The following KCNH7 variants were observed in gnomAD, a reference collection of about 807,000 sequenced individuals.
KCNH7 encodes the protein potassium voltage-gated channel subfamily H member 7.
A neutral mutation model predicts 120.8 loss-of-function variants in KCNH7; 49 were observed. The ratio of observed to expected loss-of-function variants is 0.41; its 90% confidence interval spans 0.32 to 0.51. The LOEUF is 0.51. Ranked by LOEUF, KCNH7 falls within the 20% of genes least tolerant of loss-of-function variation. KCNH7 has a pLI of 0.38. For synonymous variants in KCNH7, 547 were observed against 516.1 expected (o/e 1.06, Z -0.81); for missense variants, 1,097 against 1,446.6 (o/e 0.76, Z 3.92).
chr2:162,508,013 G>A (rs2105762056), intron 5 of KCNH7, among the ~76,000 whole-genome samples: 2 of 151,538 alleles, frequency 1.3e-5, no homozygotes, highest in South Asian at 4.2e-4. Flanking sequence ...AGTTATATTT[G>A]AACACTAACA....
intron 2 of KCNH7, among the ~76,000 whole-genome samples, chr2:162,738,709 G>A (rs1451079788): frequency 2.0e-5 from 3 of 152,162 alleles, no homozygotes; most frequent in Non-Finnish European, 2.9e-5. Flanking sequence ...TATCCTTACT[G>A]AGATTAATCC....
chr2:162,789,417 C>T (rs1033501577), intron 2 of KCNH7, among the ~76,000 whole-genome samples: 1 of 151,896 alleles, frequency 6.6e-6, no homozygotes. Context: ...TAGTAGAAGA[C>T]TTTAATAACC....
intron 6 of KCNH7, among the ~76,000 whole-genome samples, chr2:162,481,148 C>T (rs906372319): frequency 3.9e-5 from 6 of 152,136 alleles, no homozygotes; most frequent in Non-Finnish European, 8.8e-5. Flanking sequence ...TCGATTTTCT[C>T]TTATTCTTTC....
intron 2 of KCNH7, among the ~76,000 whole-genome samples, chr2:162,571,447 TATC>T: frequency 6.8e-6 from 1 of 146,412 alleles, no homozygotes; most frequent in Non-Finnish European, 1.5e-5. Flanking sequence ...GAAGAATCAA[TATC>T]ATGAAAATGG....
chr2:162,428,809 T>C (rs1405243556), intron 8 of KCNH7, among the ~76,000 whole-genome samples: 1 of 151,926 alleles, frequency 6.6e-6, no homozygotes, highest in Non-Finnish European at 1.5e-5. Flanking sequence ...CGCTACATTG[T>C]CTGAAGTTAA....
At position 162,652,963 on chromosome 2, in the gene KCNH7, A is replaced by G. The variant is rs372674985; in HGVS notation, c.308-115883T>C. ...TTGAATTAACGTAGCTGCAGATACCATTGAGCGGTAAGGCCTTACTTTATG... is the reference window on the plus strand; with the variant it reads ...TTGAATTAACGTAGCTGCAGATACCGTTGAGCGGTAAGGCCTTACTTTATG... On this transcript the variant is annotated intron_variant, in intron 2 of 15. Transcript: ENST00000332142. 5.9e-5 allele frequency among the ~76,000 whole-genome samples: 9 copies of G among 152,320 alleles called. No homozygotes were observed. In the East Asian group the frequency reaches 1.4e-3, roughly 23 times the overall value.
chr2:162,470,736 T>C (rs899646980), intron 6 of KCNH7, among the ~76,000 whole-genome samples: 4 of 152,190 alleles, frequency 2.6e-5, no homozygotes, highest in Non-Finnish European at 5.9e-5. Flanking sequence ...CCACCCCGTC[T>C]GGGAGGTGTA....
At chr2:162,763,736 T>C (rs1223396847) in intron 2 of KCNH7, among the ~76,000 whole-genome samples, 2 of 99,930 alleles carry the variant, frequency 2.0e-5, no homozygotes, top group Non-Finnish European at 4.0e-5. Flanking sequence ...GCAGTGTGTG[T>C]GTGTGTGTGT....
At chr2:162,686,092 G>C (rs1685881014) in intron 2 of KCNH7, among the ~76,000 whole-genome samples, 1 of 152,058 alleles carries the variant, frequency 6.6e-6, no homozygotes, top group African/African-American at 2.4e-5. Context: ...ATTAAGAAAA[G>C]TTTAGTGTAT....
chr2:162,728,062 T>G (rs1687591473), intron 2 of KCNH7, among the ~76,000 whole-genome samples: 1 of 152,180 alleles, frequency 6.6e-6, no homozygotes, highest in Non-Finnish European at 1.5e-5. Context: ...TCATATGATA[T>G]GTGAATAATT....
intron 2 of KCNH7, among the ~76,000 whole-genome samples, chr2:162,656,800 A>T (rs1684779829): frequency 1.3e-5 from 2 of 152,194 alleles, no homozygotes; most frequent in African/African-American, 4.8e-5. Flanking sequence ...CAAAGGAAAA[A>T]TGCAGAGATT....
chr2:162,528,318 T>A (rs536947408), intron 3 of KCNH7: 144 of 152,026 alleles, frequency 9.5e-4, no homozygotes, highest in African/African-American at 3.3e-3. Flanking sequence ...TCTCTATATT[T>A]TTACTCCTGG....
chr2:162,529,860 GTTCAAT>G (rs1691855030), intron 3 of KCNH7, among the ~76,000 whole-genome samples: 1 of 151,818 alleles, frequency 6.6e-6, no homozygotes, highest in Non-Finnish European at 1.5e-5. Flanking sequence ...GTGAGAAAGT[GTTCAAT>G]TTCATCTTTT....
chr2:162,655,513 G>A (rs1236366701), intron 2 of KCNH7, among the ~76,000 whole-genome samples: 7 of 152,224 alleles, frequency 4.6e-5, no homozygotes, highest in East Asian at 3.9e-4. Context: ...CTGGCCGGGC[G>A]TGGTGGCTCA....
intron 2 of KCNH7, among the ~76,000 whole-genome samples, chr2:162,679,849 A>G (rs1402501020): frequency 1.3e-5 from 2 of 151,754 alleles, no homozygotes; most frequent in African/African-American, 4.8e-5. Context: ...CTGAATTTGA[A>G]TTAATGTGCT....
rs565143732 is a variant in KCNH7, at chr2:162,653,752, G to A, written c.308-116672C>T. Among the ~76,000 whole-genome samples, 5 of 152,118 alleles carry A rather than the reference G, an allele frequency of 3.3e-5. No homozygotes were observed. The South Asian group carries it at 6.2e-4, about 19-fold the overall frequency. On this transcript the variant is annotated intron_variant, in intron 2 of 15. Transcript: ENST00000332142. ...CACACTACTTGACTTCCAAATATAC[G>A]GCAAAGCTATAGTGACAGAAATAGC...
chr2:162,474,967 T>A (rs946978145), intron 6 of KCNH7, among the ~76,000 whole-genome samples: 9 of 152,036 alleles, frequency 5.9e-5, no homozygotes, highest in African/African-American at 2.2e-4. Flanking sequence ...CTCAGAAGAG[T>A]CAGCTCACAT....
chr2:162,414,905 C>T (rs1687495728), intron 9 of KCNH7, among the ~76,000 whole-genome samples: 1 of 151,950 alleles, frequency 6.6e-6, no homozygotes, highest in Non-Finnish European at 1.5e-5. Flanking sequence ...GAGGTAATGA[C>T]ATGTGAGAGC....
At chr2:162,579,167 C>G (rs1693789207) in intron 2 of KCNH7, among the ~76,000 whole-genome samples, 1 of 151,976 alleles carries the variant, frequency 6.6e-6, no homozygotes, top group Admixed American at 6.6e-5. Context: ...GCATCTCTTA[C>G]TTGTATCGAC....
Sources: gnomAD v4.1 joint callset for allele counts (sites outside exome capture counted in the v4.1 genomes callset) on GRCh38, gnomAD v4.1.1 for gene constraint, MANE v1.5 for transcripts, NCBI Gene and HGNC (gene_info 2026-07-23, HGNC 2026-07-21) for gene names.